SOX8: variants seen among roughly 807,000 people sequenced by gnomAD.
The protein encoded by SOX8 is SRY-box transcription factor 8, also known as transcription factor SOX-8.
Under a neutral mutation model 22.9 loss-of-function variants are expected in SOX8, and 9 were observed. The observed-to-expected ratio is 0.39, with a 90% confidence interval of 0.24 to 0.69. The LOEUF (loss-of-function observed/expected upper bound fraction) is 0.69. SOX8 is among the 30% of genes least tolerant of loss of function. The pLI, the probability that SOX8 is intolerant of heterozygous loss-of-function variation, is 0.43. For synonymous variants in SOX8, 416 were observed against 330.6 expected (o/e 1.26, Z -2.80); for missense variants, 734 against 699.4 (o/e 1.05, Z -0.56).
At chr16:982,435 C>T (rs1013955724) in intron 1 of SOX8, 91 bp downstream of exon 1, 5 of 1,238,232 alleles carry the variant, frequency 4.0e-6, no homozygotes, top group Non-Finnish European at 5.1e-6. Context: ...GCAGAGCTCG[C>T]GGAGGTGGTG....
chr16:982,606 G>C (rs2073409365), intron 1 of SOX8: 1 of 375,634 alleles, frequency 2.7e-6, no homozygotes, highest in Non-Finnish European at 4.7e-6. Flanking sequence ...GTGCGCTCTG[G>C]AGCCAGTTCT....
chr16:982,083 G>A lies in SOX8; in HGVS notation c.161G>A (p.Gly54Asp). The A allele has an allele frequency of 7.7e-7, 1 of 1,302,008 alleles. No individual in the cohort carries two copies. The highest frequency in any genetic ancestry group is 9.7e-7 in the Non-Finnish European group (1 of 1,034,798). 80.7% of individuals were successfully genotyped at this position (1,302,008 alleles called of 1,614,324 possible). A position where few individuals can be genotyped will look rare whatever the true frequency, so the allele number is the denominator to read the frequency against. Residue 54 changes from glycine (G) to aspartate (D), a missense_variant, in exon 1 of 3, where the codon GGC becomes GAC. Gly to Asp is a moderately conservative substitution (Grantham distance 94). This residue lies in a region of SOX8 where 139 missense variants were observed against 109.1 expected (regional missense o/e 1.27). Coordinates refer to ENST00000293894, the MANE Select transcript of SOX8 (RefSeq NM_014587.5). ...RAGVAVGGAR[G>D]DPAEAADERF... ...GGGGTCGCGGTGGGGGGCGCCCGGG[G>A]CGACCCGGCGGAGGCGGCGGACGAG...
Position 985,224 on chromosome 16 carries a change from T to G in SOX8, c.1179T>G (p.Gly393=), listed in dbSNP as rs1254724185. Residue 393 remains glycine (G), a synonymous_variant, in exon 3 of 3, where the codon GGT becomes GGG. Coordinates refer to ENST00000293894, the MANE Select transcript of SOX8 (RefSeq NM_014587.5). ...YGDLQASSYY[G]AYPGYAPGLY... ...ACCTGCAGGCCTCCAGCTACTATGG[T>G]GCCTACCCTGGCTACGCACCCGGCC... is the stretch of plus-strand genomic sequence containing the variant. 6.2e-7 allele frequency: 1 copy of G among 1,611,896 alleles called. No individual in the cohort carries two copies. Among genetic ancestry groups the G allele is most frequent in the African/African-American group, 1.3e-5 (1 of 74,884 alleles).
rs146907427 is a variant in SOX8 at position 983,740 on chromosome 16, G to C, written c.435G>C (p.Glu145Asp). The change falls in exon 2 of 3, where the codon GAG becomes GAC. Residue 145 changes from glutamate (E) to aspartate (D), a missense_variant. By Grantham distance (45) the Glu-to-Asp change is conservative (BLOSUM62 2). This residue lies in a region of SOX8 where 588 missense variants were observed against 568.2 expected (regional missense o/e 1.03). Coordinates refer to ENST00000293894, the MANE Select transcript of SOX8 (RefSeq NM_014587.5). Reference protein sequence around the residue: ...TLGKLWRLLSESEKRPFVEEA... With the variant: ...TLGKLWRLLSDSEKRPFVEEA... ...CCCTGTGCTGCAGCTTGCTGAGCGA[G>C]AGCGAGAAGCGGCCCTTCGTGGAGG... 6.2e-7 allele frequency: 1 copy of C among 1,612,384 alleles called. No individual in the cohort carries two copies. The highest frequency in any genetic ancestry group is 1.7e-5 in the Admixed American group (1 of 59,984).
intron 2 of SOX8, among the ~76,000 whole-genome samples, chr16:984,294 G>A (rs978053897): frequency 7.2e-5 from 11 of 152,220 alleles, no homozygotes; most frequent in African/African-American, 2.7e-4. Flanking sequence ...CCCAGCTTCA[G>A]GGCCAGACTG....
At chr16:984,635 C>A in intron 2 of SOX8, 66 bp from the exon 3 acceptor site, 3 of 1,092,406 alleles carry the variant, frequency 2.7e-6, no homozygotes, top group Admixed American at 3.0e-5. Context: ...CCCCTTCCAG[C>A]CTGGCCGGCC....
Position 986,507 on chromosome 16 carries a change from G to T in SOX8, c.*1121G>T, listed in dbSNP as rs990278690. Reference sequence around the variant, plus strand: ...GACACAGGAATTCCTGGAAAGTGGTGGCTTCAGAAGTGATCTTGGCTCGCA... The same window carrying T: ...GACACAGGAATTCCTGGAAAGTGGTTGCTTCAGAAGTGATCTTGGCTCGCA... On this transcript the variant is annotated 3_prime_UTR_variant, in exon 3 of 3. Transcript: ENST00000293894. 4 of 152,378 alleles carry T rather than the reference G, an allele frequency of 2.6e-5. No homozygotes were observed. Among genetic ancestry groups the T allele is most frequent in the African/African-American group, 9.6e-5 (4 of 41,456 alleles). 9.4% of individuals were successfully genotyped at this position (152,378 alleles called of 1,614,324 possible).
chr16:983,389 G>A lies in SOX8; in HGVS notation c.423-339G>A, dbSNP rs1301476740. Reference sequence around the variant, plus strand: ...GCCTCGCTTTTGTCCACCGCCGGCTGGGTCCTGCCCGCCTCCCCCGCCTCC... The same window carrying A: ...GCCTCGCTTTTGTCCACCGCCGGCTAGGTCCTGCCCGCCTCCCCCGCCTCC... On this transcript the variant is annotated intron_variant, in intron 1 of 2. Transcript: ENST00000293894. 1.5e-5 allele frequency: 3 copies of A among 200,282 alleles called. No individual in the cohort carries two copies. In the East Asian group the frequency reaches 3.3e-4, roughly 22 times the overall value. 12.4% of individuals were successfully genotyped at this position (200,282 alleles called of 1,614,324 possible).
intron 1 of SOX8, chr16:982,730 C>T (rs1041692482): frequency 1.1e-4 from 20 of 188,754 alleles, no homozygotes; most frequent in Non-Finnish European, 1.5e-4. Flanking sequence ...AAGTTGCATG[C>T]GGCTCTCTGG....
rs1040429393 is a variant in SOX8, at chr16:986,453, C to G, written c.*1067C>G. ...GACACAGGAATTCCTGGGTCCTTGC[C>G]CATGACTGTGCCATGTGGTAGGACA... On this transcript the variant is annotated 3_prime_UTR_variant, in exon 3 of 3. Coordinates refer to ENST00000293894, the MANE Select transcript of SOX8 (RefSeq NM_014587.5). The G allele has an allele frequency of 7.2e-5, 11 of 152,252 alleles. No individual in the cohort carries two copies. Among genetic ancestry groups the G allele is most frequent in the African/African-American group, 2.7e-4 (11 of 41,444 alleles). 9.4% of individuals were successfully genotyped at this position (152,252 alleles called of 1,614,324 possible).
At position 981,974 on chromosome 16, in the gene SOX8, A is replaced by G; in HGVS notation, c.52A>G (p.Thr18Ala). ...RSQPPCSPSG[T>A]ASSMSHVEDS... ...CCAGCCGCCCTGCAGCCCGTCCGGC[A>G]CCGCCAGCTCCATGTCGCACGTGGA... Residue 18 changes from threonine to alanine, a missense_variant, in exon 1 of 3, where the codon ACC becomes GCC. This residue lies in a region of SOX8 where 139 missense variants were observed against 109.1 expected (regional missense o/e 1.27). Coordinates refer to ENST00000293894, the MANE Select transcript of SOX8 (RefSeq NM_014587.5). 1 of 1,444,526 alleles carries G rather than the reference A, an allele frequency of 6.9e-7. No individual in the cohort carries two copies. Among genetic ancestry groups the G allele is most frequent in the Non-Finnish European group, 9.1e-7 (1 of 1,098,648 alleles). The allele number at this position is 1,444,526 out of a possible 1,614,324, so 89.5% of individuals were successfully genotyped here.
Position 981,841 on chromosome 16 carries a change from G to A in SOX8, c.-82G>A. 1 of 891,930 alleles carries A rather than the reference G, an allele frequency of 1.1e-6. No homozygotes were observed. Among genetic ancestry groups the A allele is most frequent in the African/African-American group, 1.8e-5 (1 of 55,102 alleles). The allele number at this position is 891,930 out of a possible 1,614,324, so 55.3% of individuals were successfully genotyped here. A position where few individuals can be genotyped will look rare whatever the true frequency, so the allele number is the denominator to read the frequency against. ...TCGGGGCCACCGCGCGGCGACCTCG[G>A]GTCCCGGAGCGACCGCAGGGCAGCC... is the stretch of plus-strand genomic sequence containing the variant. On this transcript the variant is annotated 5_prime_UTR_variant, in exon 1 of 3. Coordinates refer to ENST00000293894, the MANE Select transcript of SOX8 (RefSeq NM_014587.5).
rs2073459279 is a variant in SOX8 at position 986,136 on chromosome 16, C to T, written c.*750C>T. ...TTAAGACAAAACGGAAGCTGGGAAG[C>T]TTCCCTTGAGGGCAGGCAGGAGGTG... On this transcript the variant is annotated 3_prime_UTR_variant, in exon 3 of 3. Transcript: ENST00000293894. 1 of 152,244 alleles carries T rather than the reference C, an allele frequency of 6.6e-6. No individual in the cohort carries two copies. The allele number at this position is 152,244 out of a possible 1,614,324, so 9.4% of individuals were successfully genotyped here. A position where few individuals can be genotyped will look rare whatever the true frequency, so the allele number is the denominator to read the frequency against.
In SOX8 at chr16:982,008, A is replaced by G. The variant is rs1567355272; in HGVS notation, c.86A>G (p.Asp29Gly). The change falls in exon 1 of 3, where the codon GAC (aspartate) becomes GGC (glycine). Residue 29 changes from aspartate to glycine, a missense_variant. This residue lies in a region of SOX8 where 139 missense variants were observed against 109.1 expected (regional missense o/e 1.27). Transcript: ENST00000293894. ...ASSMSHVEDS[D>G]SDAPPSPAGS... Reference sequence around the variant, plus strand: ...TCCATGTCGCACGTGGAGGACTCGGACTCGGACGCGCCGCCGTCTCCCGCC... The same window carrying G: ...TCCATGTCGCACGTGGAGGACTCGGGCTCGGACGCGCCGCCGTCTCCCGCC... 2.1e-6 allele frequency: 3 copies of G among 1,416,102 alleles called. No homozygotes were observed. The highest frequency in any genetic ancestry group is 9.2e-7 in the Non-Finnish European group (1 of 1,084,608). 87.7% of individuals were successfully genotyped at this position (1,416,102 alleles called of 1,614,324 possible). A position where few individuals can be genotyped will look rare whatever the true frequency, so the allele number is the denominator to read the frequency against.
chr16:984,076 G>A, intron 2 of SOX8, 116 bp downstream of exon 2: 1 of 931,446 alleles, frequency 1.1e-6, no homozygotes, highest in Non-Finnish European at 1.5e-6. Flanking sequence ...GAGAGAACCG[G>A]GCCTTCCCCG....
In SOX8 at chr16:983,883, G is replaced by GAC; in HGVS notation, c.579_580dup (p.Pro194HisfsTer52). 1 of 1,610,300 alleles carries GAC rather than the reference G, an allele frequency of 6.2e-7. No homozygotes were observed. Among genetic ancestry groups the GAC allele is most frequent in the Non-Finnish European group, 8.5e-7 (1 of 1,178,550 alleles). ...GACTCCGACTCGGGCGCGGAGCTGG[G>GAC]ACCCCACCCTGGCGGCGGTGCCGTG... On this transcript the variant is annotated frameshift_variant, in exon 2 of 3. Coordinates refer to ENST00000293894, the MANE Select transcript of SOX8 (RefSeq NM_014587.5). LOFTEE classifies it high-confidence loss of function.
In SOX8 at chr16:982,024, G is replaced by A. The variant is rs2073394047; in HGVS notation, c.102G>A (p.Pro34=). ...AGGACTCGGACTCGGACGCGCCGCC[G>A]TCTCCCGCCGGCTCCGAGGGCCTGG... is the stretch of plus-strand genomic sequence containing the variant. ...HVEDSDSDAP[P]SPAGSEGLGR... The change falls in exon 1 of 3, where the codon CCG becomes CCA. Residue 34 remains proline, a synonymous_variant. Transcript: ENST00000293894. The A allele has an allele frequency of 7.2e-7, 1 of 1,389,622 alleles. No individual in the cohort carries two copies. Among genetic ancestry groups the A allele is most frequent in the Admixed American group, 2.7e-5 (1 of 37,168 alleles). The allele number at this position is 1,389,622 out of a possible 1,614,324, so 86.1% of individuals were successfully genotyped here. A position where few individuals can be genotyped will look rare whatever the true frequency, so the allele number is the denominator to read the frequency against.
Position 984,762 on chromosome 16 carries a change from C to A in SOX8, c.717C>A (p.Gly239=). The change falls in exon 3 of 3, where the codon GGC becomes GGA. Residue 239 remains glycine (G), a synonymous_variant. Transcript: ENST00000293894. ...CCAAGACGGAGCTGCAGCAGGCGGG[C>A]GCCAAGCCGGAGCTGAAGCTGGAGG... The part of the protein sequence containing the change: ...TTPKTELQQA[G]AKPELKLEGR... The A allele has an allele frequency of 6.4e-7, 1 of 1,561,552 alleles. No individual in the cohort carries two copies. Among genetic ancestry groups the A allele is most frequent in the Admixed American group, 1.7e-5 (1 of 58,016 alleles).
intron 1 of SOX8, 105 bp from the exon 2 acceptor site, chr16:983,623 A>T: frequency 3.7e-6 from 4 of 1,081,626 alleles, no homozygotes; most frequent in Non-Finnish European, 5.2e-6. Flanking sequence ...CCCTGGTCAG[A>T]GCCTCCTGGC....
Sources: gnomAD v4.1 joint callset for allele counts (sites outside exome capture counted in the v4.1 genomes callset) on GRCh38, gnomAD v4.1.1 for gene constraint, gnomAD v4.1.1 regional missense constraint, MANE v1.5 for transcripts, NCBI Gene and HGNC (gene_info 2026-07-23, HGNC 2026-07-21) for gene names.